PARD3: variants seen among roughly 807,000 people sequenced by gnomAD.
The protein encoded by PARD3 is partitioning defective 3 homolog.
In PARD3, 75 loss-of-function variants were observed where a neutral mutation model predicts 155.4. The ratio of observed to expected loss-of-function variants is 0.48; its 90% CI spans 0.40 to 0.58. The LOEUF is 0.58. Ranked by LOEUF, PARD3 falls within the 20% of genes least tolerant of loss-of-function variation. The pLI, the probability that PARD3 is intolerant of heterozygous loss-of-function variation, is 0.00. For missense variants in PARD3, 1,642 were observed against 1,721.7 expected, an observed-to-expected ratio of 0.95 and a Z score of 0.82; for synonymous variants, 576 against 610.5, an observed-to-expected ratio of 0.94 and a Z score of 0.83.
intron 2 of PARD3, among the ~76,000 whole-genome samples, chr10:34,552,596 C>A (rs1230169371): frequency 6.6e-6 from 1 of 152,140 alleles, no homozygotes; most frequent in Non-Finnish European, 1.5e-5. Flanking sequence ...CGCCTGTAAT[C>A]TCAGCTATTC....
chr10:34,629,663 T>A (rs1338187666), intron 2 of PARD3, among the ~76,000 whole-genome samples: 3 of 152,184 alleles, frequency 2.0e-5, no homozygotes, highest in Non-Finnish European at 4.4e-5. Context: ...TGAGACCCAT[T>A]AAAAAGAGAC....
intron 1 of PARD3, among the ~76,000 whole-genome samples, chr10:34,780,795 T>C (rs1261573405): frequency 1.3e-5 from 2 of 152,204 alleles, no homozygotes; most frequent in East Asian, 3.8e-4. Context: ...AAAACAAGAC[T>C]TCTAAACTAA....
intron 22 of PARD3, among the ~76,000 whole-genome samples, chr10:34,155,551 A>G (rs1490099553): frequency 6.6e-6 from 1 of 152,146 alleles, no homozygotes. Flanking sequence ...AATTGGAGGT[A>G]CTGGGTACCT....
rs1039127566 is a variant in PARD3 at position 34,269,757 on chromosome 10, G to A, written c.3319C>T (p.Leu1107Phe). The change falls in exon 22 of 25, where the codon CTC (leucine) becomes TTC (phenylalanine). Residue 1107 changes from leucine to phenylalanine, a missense_variant. Leu to Phe is a conservative substitution (Grantham distance 22). Around this residue, in one of 3 missense-constraint regions of PARD3, gnomAD observed 1,529 missense variants for 1,587.3 expected, o/e 0.96. Transcript: ENST00000374788. ...CGTGGGCTCTGAGGTCTAGCGTTGA[G>A]AGCCATGGAACCTTCATAAGAAGAA... ...GVSSYEGSMA[L>F]NARPQSPREG... 2 of 1,613,838 alleles carry A rather than the reference G, an allele frequency of 1.2e-6. No homozygotes were observed. The highest frequency in any genetic ancestry group is 1.7e-6 in the Non-Finnish European group (2 of 1,179,974).
chr10:34,602,163 T>G (rs1028836250), intron 2 of PARD3, among the ~76,000 whole-genome samples: 1 of 152,224 alleles, frequency 6.6e-6, no homozygotes, highest in African/African-American at 2.4e-5. Flanking sequence ...GCTGATAAAT[T>G]TGCAGAAGAC....
intron 2 of PARD3, among the ~76,000 whole-genome samples, chr10:34,567,975 A>G (rs2086092398): frequency 1.3e-5 from 2 of 152,072 alleles, no homozygotes; most frequent in Non-Finnish European, 2.9e-5. Context: ...AGTTTTGTCA[A>G]TGGGATAATG....
chr10:34,364,251 TGAA>T (rs1839744334), intron 12 of PARD3, among the ~76,000 whole-genome samples: 1 of 152,130 alleles, frequency 6.6e-6, no homozygotes, highest in East Asian at 1.9e-4. Flanking sequence ...CAAAATATTG[TGAA>T]GAGAGGCAAA....
In PARD3 at chr10:34,137,452, C is replaced by T. The variant is rs529858815; in HGVS notation, c.3420-5869G>A. On this transcript the variant is annotated intron_variant, in intron 22 of 24. Coordinates refer to ENST00000374788, the MANE Select transcript of PARD3 (RefSeq NM_001184785.2). ...ATTGCACCCCGAGGGAGACCCTGAG[C>T]AGAGGATCCAGCTCAGTCATGCTGG... Among the ~76,000 whole-genome samples, 47 of 152,338 alleles carry T rather than the reference C, an allele frequency of 3.1e-4. 1 individual carries two copies. The East Asian group carries it at 6.7e-3, about 22-fold the overall frequency.
At chr10:34,565,346 C>T (rs879748940) in intron 2 of PARD3, among the ~76,000 whole-genome samples, 4 of 140,628 alleles carry the variant, frequency 2.8e-5, no homozygotes, top group Admixed American at 1.6e-4. Flanking sequence ...CAGCTCACTG[C>T]AGCCTCTGCC....
At chr10:34,343,006 G>A (rs981119318) in intron 15 of PARD3, among the ~76,000 whole-genome samples, 1 of 152,072 alleles carries the variant, frequency 6.6e-6, no homozygotes, top group Admixed American at 6.6e-5. Context: ...TCCCTTACCT[G>A]AATTCAAATT....
At chr10:34,371,795 T>C (rs564197901) in intron 12 of PARD3, among the ~76,000 whole-genome samples, 2 of 152,228 alleles carry the variant, frequency 1.3e-5, no homozygotes, top group African/African-American at 4.8e-5. Flanking sequence ...TCCTGATTGT[T>C]AGAATTTCTA....
chr10:34,684,822 CACACACACATATATACACACACACAT>C (rs1451299561), intron 2 of PARD3, among the ~76,000 whole-genome samples: 150 of 109,822 alleles, frequency 1.4e-3, no homozygotes, highest in Middle Eastern at 8.8e-3. Flanking sequence ...CACACACACA[CACACACACATATATACACACACACAT>C]ATATATACAT....
At chr10:34,283,000 C>T (rs1315722466) in intron 21 of PARD3, among the ~76,000 whole-genome samples, 1 of 152,068 alleles carries the variant, frequency 6.6e-6, no homozygotes, top group Non-Finnish European at 1.5e-5. Flanking sequence ...TTTTTTCCCA[C>T]ATACATTTTC....
chr10:34,573,480 T>C (rs1564367128), intron 2 of PARD3, among the ~76,000 whole-genome samples: 4 of 152,000 alleles, frequency 2.6e-5, no homozygotes, highest in South Asian at 4.2e-4. Flanking sequence ...GGTGGGTGGA[T>C]TGCCTGAGCT....
At chr10:34,791,573 C>G (rs1841618995) in intron 1 of PARD3, among the ~76,000 whole-genome samples, 2 of 152,148 alleles carry the variant, frequency 1.3e-5, no homozygotes, top group South Asian at 4.1e-4. Flanking sequence ...GAGCCAGGTC[C>G]CCACAGCCTC....
At chr10:34,528,299 C>T (rs2082612690) in intron 2 of PARD3, among the ~76,000 whole-genome samples, 1 of 152,118 alleles carries the variant, frequency 6.6e-6, no homozygotes, top group Non-Finnish European at 1.5e-5. Context: ...TAAGGAAAGC[C>T]AAACCCTCTA....
chr10:34,127,246 C>T (rs188551671), intron 23 of PARD3, among the ~76,000 whole-genome samples: 26 of 152,298 alleles, frequency 1.7e-4, no homozygotes, highest in Admixed American at 1.6e-3. Flanking sequence ...CTGGAGGTCT[C>T]GCATGTGGAT....
intron 5 of PARD3, among the ~76,000 whole-genome samples, chr10:34,415,359 C>T (rs1019788105): frequency 2.0e-5 from 3 of 151,834 alleles, no homozygotes; most frequent in Admixed American, 2.0e-4. Flanking sequence ...ACTTGAGTAC[C>T]ATTAGAAAGA....
intron 24 of PARD3, among the ~76,000 whole-genome samples, chr10:34,118,704 G>A (rs1404301951): frequency 6.6e-6 from 1 of 152,126 alleles, no homozygotes; most frequent in Non-Finnish European, 1.5e-5. Context: ...GTCAAGATAA[G>A]CATTTGTCTC....
Sources: allele counts gnomAD v4.1 joint callset (sites outside exome capture counted in the v4.1 genomes callset), GRCh38; gene constraint gnomAD v4.1.1; regional missense constraint gnomAD v4.1.1; transcripts MANE v1.5; gene names NCBI Gene and HGNC (gene_info 2026-07-23, HGNC 2026-07-21).